RHOU: variants seen among roughly 807,000 people sequenced by gnomAD.
RHOU encodes the protein ras homolog family member U, also known as rho-related GTP-binding protein RhoU.
A neutral mutation model predicts 12.6 loss-of-function variants in RHOU; 8 were observed. The observed-to-expected ratio is 0.64, with a 90% CI of 0.37 to 1.15. RHOU has a LOEUF of 1.15. RHOU is among the 50% of genes most tolerant of loss of function. The pLI, the probability that RHOU is intolerant of heterozygous loss-of-function variation, is 0.01. For synonymous variants in RHOU, 161 were observed against 147.4 expected (o/e 1.09, Z -0.67); for missense variants, 258 against 347.0 (o/e 0.74, Z 2.04).
At chr1:228,674,119 T>C in the RHOU span, among the ~76,000 whole-genome samples, 1 of 152,204 alleles carries the variant, frequency 6.6e-6, no homozygotes, top group Non-Finnish European at 1.5e-5. Context: ...TTGATAACAA[T>C]TGATATTGAG....
In RHOU at chr1:228,743,380, C is replaced by T; in HGVS notation, c.417C>T (p.Val139=). ...SVVSPSSFQN[V]SEKWVPEIRC... is the part of the protein sequence containing the mutation. The stretch of plus-strand genomic sequence containing the variant: ...TGAGCCCCTCATCCTTCCAGAACGT[C>T]AGTGAGAAATGGGTGCCGGAGATTC... The change falls in exon 3 of 3, where the codon GTC becomes GTT. Residue 139 remains valine, a synonymous_variant. Transcript: ENST00000366691. The surrounding 1 kb of genome is among the most constrained non-coding windows in gnomAD (Gnocchi z 5.1). 6.2e-7 allele frequency: 1 copy of T among 1,614,214 alleles called. No homozygotes were observed. The highest frequency in any genetic ancestry group is 1.1e-5 in the South Asian group (1 of 91,078).
chr1:228,740,634 A>T (rs1437302096), intron 2 of RHOU, among the ~76,000 whole-genome samples: 1 of 152,226 alleles, frequency 6.6e-6, no homozygotes, highest in Non-Finnish European at 1.5e-5. Context: ...AAGTTTCCTT[A>T]TGGAGGAAGG....
At chr1:228,691,255 A>C in the RHOU span, among the ~76,000 whole-genome samples, 1 of 152,174 alleles carries the variant, frequency 6.6e-6, no homozygotes, top group East Asian at 1.9e-4. Flanking sequence ...TTGACACATC[A>C]TTATCACCAG....
In RHOU at chr1:228,737,077, C is replaced by T. The variant is rs893399206; in HGVS notation, c.263-596C>T. Among the ~76,000 whole-genome samples the T allele has an allele frequency of 2.6e-5, 4 of 152,208 alleles. No individual in the cohort carries two copies. Among genetic ancestry groups the T allele is most frequent in the African/African-American group, 9.6e-5 (4 of 41,454 alleles). ...CTGCTGCAGGCCTCTCCACACTCCC[C>T]GAGTCCCCGGATCCCAGTGGAAAGG... On this transcript the variant is annotated intron_variant, in intron 1 of 2. Transcript: ENST00000366691. This position sits in a 1 kb window ranked among gnomAD's most constrained non-coding sequence, Gnocchi z 4.1.
At chr1:228,706,613 A>G in the RHOU span, among the ~76,000 whole-genome samples, 3 of 152,204 alleles carry the variant, frequency 2.0e-5, no homozygotes, top group Non-Finnish European at 4.4e-5. Context: ...CCAAACTTAC[A>G]AGGAGGCGGC....
chr1:228,712,329 T>C, the RHOU span, among the ~76,000 whole-genome samples: 787 of 149,280 alleles, frequency 5.3e-3, 8 homozygotes, highest in Non-Finnish European at 4.9e-3. Context: ...CAAAGGACTA[T>C]AAATCATGCT....
the RHOU span, among the ~76,000 whole-genome samples, chr1:228,725,279 TC>T: frequency 1.3e-5 from 2 of 152,150 alleles, no homozygotes; most frequent in Non-Finnish European, 2.9e-5. Flanking sequence ...TCCTCTATAT[TC>T]CTAGGAAGGA....
Position 228,735,949 on chromosome 1 carries a change from C to T in RHOU, c.207C>T (p.Tyr69=). 8 of 1,581,108 alleles carry T rather than the reference C, an allele frequency of 5.1e-6. No homozygotes were observed. Among genetic ancestry groups the T allele is most frequent in the African/African-American group, 1.4e-5 (1 of 72,014 alleles). Residue 69 remains tyrosine, a synonymous_variant, in exon 1 of 3, where the codon TAC becomes TAT. Coordinates refer to ENST00000366691, the MANE Select transcript of RHOU (RefSeq NM_021205.6). This position sits in a 1 kb window ranked among gnomAD's most constrained non-coding sequence, Gnocchi z 8.1. ...GCAAGACGAGCCTGGTGGTGAGCTACACCACCAACGGCTACCCCACCGAGT... is the reference window on the plus strand; with the variant it reads ...GCAAGACGAGCCTGGTGGTGAGCTATACCACCAACGGCTACCCCACCGAGT... ...AVGKTSLVVS[Y]TTNGYPTEYI...
chr1:228,675,373 C>T, the RHOU span, among the ~76,000 whole-genome samples: 1 of 151,966 alleles, frequency 6.6e-6, no homozygotes, highest in Admixed American at 6.6e-5. Flanking sequence ...TTTGTAGCTA[C>T]TTTTGTTTAT....
chr1:228,719,767 C>CA, the RHOU span, among the ~76,000 whole-genome samples: 15 of 151,726 alleles, frequency 9.9e-5, no homozygotes, highest in African/African-American at 2.2e-4. Flanking sequence ...ACAACAACAA[C>CA]AAAAAAAATG....
chr1:228,715,154 TTTC>T, the RHOU span, among the ~76,000 whole-genome samples: 2 of 152,092 alleles, frequency 1.3e-5, no homozygotes, highest in Non-Finnish European at 2.9e-5. Context: ...TTGTGTTTTC[TTTC>T]TTTTTTTTTC....
At chr1:228,709,611 C>T in the RHOU span, among the ~76,000 whole-genome samples, 618 of 143,634 alleles carry the variant, frequency 4.3e-3, 11 homozygotes, top group Admixed American at 0.035. Flanking sequence ...TTGAAACCAA[C>T]GAGAACAAAG....
chr1:228,684,403 A>G, the RHOU span, among the ~76,000 whole-genome samples: 3 of 152,088 alleles, frequency 2.0e-5, no homozygotes, highest in East Asian at 1.9e-4. Context: ...GATCTGGCAC[A>G]TTGCAACCTC....
At chr1:228,686,181 TCAA>T in the RHOU span, among the ~76,000 whole-genome samples, 1 of 152,182 alleles carries the variant, frequency 6.6e-6, no homozygotes, top group Admixed American at 6.5e-5. Context: ...TCCCTTATCT[TCAA>T]CTTCTTCATG....
rs1359481654 is a variant in RHOU at position 228,745,540 on chromosome 1, C to A, written c.*1800C>A. On this transcript the variant is annotated 3_prime_UTR_variant, in exon 3 of 3. Transcript: ENST00000366691. ...AAAATTAACAAATTTCTTTGTTTAACAAAAGATTAATCTTTAAACCACTAA... is the reference window on the plus strand; with the variant it reads ...AAAATTAACAAATTTCTTTGTTTAAAAAAAGATTAATCTTTAAACCACTAA... The A allele has an allele frequency of 2.6e-5, 4 of 152,112 alleles. No individual in the cohort carries two copies. The highest frequency in any genetic ancestry group is 4.4e-5 in the Non-Finnish European group (3 of 68,018). The allele number at this position is 152,112 out of a possible 1,614,324, so 9.4% of individuals were successfully genotyped here.
the RHOU span, among the ~76,000 whole-genome samples, chr1:228,689,870 G>C: frequency 6.6e-6 from 1 of 151,928 alleles, no homozygotes; most frequent in Non-Finnish European, 1.5e-5. Context: ...AAAATGTTGG[G>C]AACCACTGTT....
the RHOU span, among the ~76,000 whole-genome samples, chr1:228,658,285 T>TC: frequency 2.0e-5 from 1 of 51,250 alleles, no homozygotes; most frequent in Non-Finnish European, 3.6e-5. Flanking sequence ...AGACCCTGTC[T>TC]CAAAAAAAAA....
At chr1:228,701,676 T>C in the RHOU span, among the ~76,000 whole-genome samples, 2 of 151,954 alleles carry the variant, frequency 1.3e-5, no homozygotes, top group African/African-American at 2.4e-5. Flanking sequence ...TTCTTTTTCT[T>C]CCTGACTTTT....
the RHOU span, among the ~76,000 whole-genome samples, chr1:228,660,067 T>C: frequency 3.2e-4 from 48 of 151,536 alleles, no homozygotes; most frequent in African/African-American, 9.7e-4. Flanking sequence ...GGTAGGAGGA[T>C]CACTTGAACC....
Sources: gnomAD v4.1 joint callset for allele counts (sites outside exome capture counted in the v4.1 genomes callset) on GRCh38, gnomAD v4.1.1 for gene constraint, Gnocchi (gnomAD v3.1) non-coding constraint, MANE v1.5 for transcripts, NCBI Gene and HGNC (gene_info 2026-07-23, HGNC 2026-07-21) for gene names.